FAM110B: variants seen among roughly 807,000 people sequenced by gnomAD.
The protein encoded by FAM110B is protein FAM110B.
In FAM110B, 6 loss-of-function variants were observed where a neutral mutation model predicts 20.4. The ratio of observed to expected loss-of-function variants is 0.29; its 90% CI spans 0.16 to 0.58. The LOEUF (loss-of-function observed/expected upper bound fraction) is 0.58, where lower values mean the gene tolerates loss of function less well. Ranked by LOEUF, FAM110B falls within the 20% of genes least tolerant of loss-of-function variation. FAM110B has a pLI of 0.90. For missense variants in FAM110B, 434 were observed against 498.2 expected (o/e 0.87, Z 1.23); for synonymous variants, 226 against 214.1 (o/e 1.06, Z -0.49).
chr8:58,034,114 G>A (rs922050447), intron 2 of FAM110B, among the ~76,000 whole-genome samples: 9 of 152,164 alleles, frequency 5.9e-5, no homozygotes, highest in African/African-American at 1.7e-4. Context: ...TACTATGGCC[G>A]AGGGACACAG....
intron 1 of FAM110B, among the ~76,000 whole-genome samples, chr8:58,022,632 T>C (rs1804778608): frequency 6.6e-6 from 1 of 152,232 alleles, no homozygotes; most frequent in Non-Finnish European, 1.5e-5. Context: ...GTGGATTCTG[T>C]TTGGTTTTAC....
At chr8:58,019,046 A>G (rs1262549183) in intron 1 of FAM110B, among the ~76,000 whole-genome samples, 1 of 152,154 alleles carries the variant, frequency 6.6e-6, no homozygotes, top group African/African-American at 2.4e-5. Context: ...GTAAATGTAA[A>G]AAAGAAAAGG....
chr8:58,087,717 TC>T (rs1806373294), intron 3 of FAM110B, among the ~76,000 whole-genome samples: 2 of 152,202 alleles, frequency 1.3e-5, no homozygotes, highest in African/African-American at 4.8e-5. Flanking sequence ...TTTGGGTCTC[TC>T]CTTTAGCCAA....
chr8:58,034,199 C>T (rs1247585504), intron 2 of FAM110B, among the ~76,000 whole-genome samples: 1 of 152,144 alleles, frequency 6.6e-6, no homozygotes, highest in African/African-American at 2.4e-5. Flanking sequence ...GCTTGTTATC[C>T]TGGAATGCCT....
chr8:58,006,129 G>T (rs1804397089), intron 1 of FAM110B, among the ~76,000 whole-genome samples: 1 of 152,132 alleles, frequency 6.6e-6, no homozygotes, highest in Non-Finnish European at 1.5e-5. Context: ...GTACTTGCGT[G>T]ATGGCTCTGT....
intron 3 of FAM110B, among the ~76,000 whole-genome samples, chr8:58,115,555 G>A (rs1192132110): frequency 6.6e-6 from 1 of 152,014 alleles, no homozygotes; most frequent in Non-Finnish European, 1.5e-5. Flanking sequence ...CACCACGCCT[G>A]GCTAATTTTT....
chr8:58,022,172 C>A (rs1050456163), intron 1 of FAM110B, among the ~76,000 whole-genome samples: 8 of 152,214 alleles, frequency 5.3e-5, no homozygotes, highest in African/African-American at 1.9e-4. Flanking sequence ...AGACCGAACT[C>A]TGTGCTTCTA....
chr8:58,027,104 A>G (rs1386547506), intron 1 of FAM110B, among the ~76,000 whole-genome samples: 4 of 152,316 alleles, frequency 2.6e-5, no homozygotes, highest in African/African-American at 9.6e-5. Flanking sequence ...GTCACTCTCC[A>G]TGGATTATCA....
chr8:58,027,367 A>G (rs1338810272), intron 1 of FAM110B, among the ~76,000 whole-genome samples: 1 of 152,020 alleles, frequency 6.6e-6, no homozygotes, highest in Non-Finnish European at 1.5e-5. Context: ...CATCCACTGA[A>G]GGAGTCCCAG....
rs1563375428 is a variant in FAM110B, at chr8:58,115,493, A to G, written c.-324-30414A>G. Among the ~76,000 whole-genome samples, 3 of 152,112 alleles carry G rather than the reference A, an allele frequency of 2.0e-5. No homozygotes were observed. The South Asian group carries it at 6.2e-4, about 32-fold the overall frequency. On this transcript the variant is annotated intron_variant, in intron 3 of 3. Transcript: ENST00000519262. The stretch of plus-strand genomic sequence containing the variant: ...ACTGCAACCTCCTCCTCCTGGGTTC[A>G]GTCGATTCTCGTGCCTCAGCCTCCC...
intron 1 of FAM110B, among the ~76,000 whole-genome samples, chr8:58,018,292 T>C (rs1017966384): frequency 6.6e-6 from 1 of 152,170 alleles, no homozygotes; most frequent in African/African-American, 2.4e-5. Flanking sequence ...TACATGCACA[T>C]TTAGAACTCT....
chr8:58,001,706 G>T (rs546259711), intron 1 of FAM110B, among the ~76,000 whole-genome samples: 3 of 151,992 alleles, frequency 2.0e-5, no homozygotes, highest in Non-Finnish European at 4.4e-5. Flanking sequence ...TAAGCATACC[G>T]GCATATTAGC....
intron 2 of FAM110B, among the ~76,000 whole-genome samples, chr8:58,037,910 C>T (rs937863581): frequency 2.6e-5 from 4 of 152,120 alleles, no homozygotes; most frequent in African/African-American, 9.7e-5. Flanking sequence ...CTACAGTTAA[C>T]GCTTCATCTC....
rs113047987 is a variant in FAM110B at position 58,110,810 on chromosome 8, T to C, written c.-324-35097T>C. Among the ~76,000 whole-genome samples, 769 of 152,280 alleles carry C rather than the reference T, an allele frequency of 5.0e-3. 8 individuals carry two copies. The highest frequency in any genetic ancestry group is 0.017 in the African/African-American group (698 of 41,566). Reference sequence around the variant, plus strand: ...TTGTCATTTGAACAATGATATGACATTGTGCTAAATACTTCAAGGAGAGAC... The same window carrying C: ...TTGTCATTTGAACAATGATATGACACTGTGCTAAATACTTCAAGGAGAGAC... On this transcript the variant is annotated intron_variant, in intron 3 of 3. Transcript: ENST00000519262.
At chr8:58,094,941 T>C (rs1196399121) in intron 3 of FAM110B, among the ~76,000 whole-genome samples, 1 of 152,218 alleles carries the variant, frequency 6.6e-6, no homozygotes, top group Non-Finnish European at 1.5e-5. Flanking sequence ...TTAATGTTTC[T>C]ATTCAGGGAT....
intron 1 of FAM110B, among the ~76,000 whole-genome samples, chr8:58,011,331 A>G (rs1407444236): frequency 6.6e-6 from 1 of 152,172 alleles, no homozygotes; most frequent in Non-Finnish European, 1.5e-5. Context: ...CACCCAGACC[A>G]CTGCAACTCT....
chr8:58,072,691 A>C (rs1805931622), intron 2 of FAM110B, among the ~76,000 whole-genome samples: 1 of 152,226 alleles, frequency 6.6e-6, no homozygotes, highest in Non-Finnish European at 1.5e-5. Flanking sequence ...CTGACCAAAC[A>C]ACAATAGGTC....
At chr8:58,075,293 G>A (rs979015632) in intron 2 of FAM110B, among the ~76,000 whole-genome samples, 2 of 149,892 alleles carry the variant, frequency 1.3e-5, no homozygotes, top group African/African-American at 2.5e-5. Context: ...GTGTGTGTGT[G>A]TGTTTTGTAG....
chr8:58,025,487 C>T (rs1430819776), intron 1 of FAM110B, among the ~76,000 whole-genome samples: 1 of 152,098 alleles, frequency 6.6e-6, no homozygotes, highest in Non-Finnish European at 1.5e-5. Flanking sequence ...ACCTTGTCTG[C>T]CATCCTGAGA....
Sources: gnomAD v4.1 joint callset for allele counts (sites outside exome capture counted in the v4.1 genomes callset) on GRCh38, gnomAD v4.1.1 for gene constraint, MANE v1.5 for transcripts, NCBI Gene and HGNC (gene_info 2026-07-23, HGNC 2026-07-21) for gene names.